PRAG1: variants seen among roughly 807,000 people sequenced by gnomAD.
The protein encoded by PRAG1 is PEAK1 related, kinase-activating pseudokinase 1, also known as inactive tyrosine-protein kinase PRAG1.
In PRAG1, 110 loss-of-function variants were observed where a neutral mutation model predicts 95.6. The ratio of observed to expected loss-of-function variants is 1.15; its 90% confidence interval spans 0.99 to 1.35. PRAG1 has a LOEUF of 1.35. Among genes scored for constraint, PRAG1 ranks in the 40% most tolerant of loss-of-function variants. PRAG1 has a pLI of 0.00. For missense variants in PRAG1, 2,554 were observed against 1,864.7 expected, an observed-to-expected ratio of 1.37 and a Z score of -6.81; for synonymous variants, 1,052 against 819.4, an observed-to-expected ratio of 1.28 and a Z score of -4.85.
chr8:8,368,261 G>T (rs2116910219), intron 3 of PRAG1, among the ~76,000 whole-genome samples: 1 of 152,294 alleles, frequency 6.6e-6, no homozygotes, highest in Admixed American at 6.5e-5. Context: ...ATCCAACAAA[G>T]AACAGCTGTT....
intron 3 of PRAG1, 90 bp downstream of exon 3, chr8:8,376,157 T>C (rs914285288): frequency 8.6e-6 from 13 of 1,506,664 alleles, no homozygotes; most frequent in South Asian, 2.7e-5. Flanking sequence ...TTCTGGGACC[T>C]GGGCCTGAAA....
rs1206588148 is a variant in PRAG1 at position 8,386,432 on chromosome 8, T to C, written c.-199A>G. 2 of 151,462 alleles carry C rather than the reference T, an allele frequency of 1.3e-5. No homozygotes were observed. Among genetic ancestry groups the C allele is most frequent in the African/African-American group, 4.8e-5 (2 of 41,258 alleles). 9.4% of individuals were successfully genotyped at this position (151,462 alleles called of 1,614,324 possible). ...CGGTGCGTGCCCGGCCGCGGGCGGG[T>C]GGCTTCTGCCTGGGCCCGGCGGCCG... On this transcript the variant is annotated 5_prime_UTR_variant, in exon 1 of 6. Transcript: ENST00000615670.
intron 2 of PRAG1, among the ~76,000 whole-genome samples, chr8:8,381,135 A>G (rs1016654084): frequency 6.6e-6 from 1 of 152,162 alleles, no homozygotes; most frequent in African/African-American, 2.4e-5. Flanking sequence ...GAAAATTTAA[A>G]ACTTTTTTTT....
chr8:8,333,393 G>T (rs75939921), intron 4 of PRAG1, among the ~76,000 whole-genome samples: 1 of 152,174 alleles, frequency 6.6e-6, no homozygotes, highest in African/African-American at 2.4e-5. Flanking sequence ...AGCATTTCTA[G>T]TGAGAAGCTA....
chr8:8,341,792 T>G (rs184624907), intron 3 of PRAG1, among the ~76,000 whole-genome samples: 35 of 152,364 alleles, frequency 2.3e-4, no homozygotes, highest in Middle Eastern at 3.4e-3. Flanking sequence ...TAATTTTTCT[T>G]TCTTGTCCTG....
At chr8:8,327,621 C>T (rs1447003534) in intron 5 of PRAG1, 89 bp downstream of exon 5, 28 of 1,412,760 alleles carry the variant, frequency 2.0e-5, no homozygotes, top group Middle Eastern at 4.4e-4. Context: ...AATGCCCAGA[C>T]AGGTGAAATG....
chr8:8,386,349 G>C lies in PRAG1; in HGVS notation c.-116C>G, dbSNP rs1407544385. 2.0e-4 allele frequency: 31 copies of C among 152,344 alleles called. No homozygotes were observed. Among genetic ancestry groups the C allele is most frequent in the Admixed American group, 1.8e-3 (28 of 15,296 alleles). The allele number at this position is 152,344 out of a possible 1,614,324, so 9.4% of individuals were successfully genotyped here. On this transcript the variant is annotated 5_prime_UTR_variant, in exon 1 of 6. Transcript: ENST00000615670. ...TGGGCTGCGCTCCCCCGGCCCCTCCGTCGGTCTCCGAGCCGCCAGCCGCCC... is the reference window on the plus strand; with the variant it reads ...TGGGCTGCGCTCCCCCGGCCCCTCCCTCGGTCTCCGAGCCGCCAGCCGCCC...
chr8:8,377,587 A>T lies in PRAG1; in HGVS notation c.822T>A (p.Gly274=). 1 of 1,612,414 alleles carries T rather than the reference A, an allele frequency of 6.2e-7. No individual in the cohort carries two copies. Among genetic ancestry groups the T allele is most frequent in the Non-Finnish European group, 8.5e-7 (1 of 1,179,594 alleles). The change falls in exon 3 of 6, where the codon GGT becomes GGA. Residue 274 remains glycine (G), a synonymous_variant. Coordinates refer to ENST00000615670, the MANE Select transcript of PRAG1 (RefSeq NM_001080826.3). ...PVAKAASQTA[G]SRGRHGGRDC... is the part of the protein sequence containing the mutation. The stretch of plus-strand genomic sequence containing the variant: ...CCCTGCCACCATGCCTGCCCCGGGA[A>T]CCTGCAGTCTGGGAGGCAGCCTTGG...
intron 1 of PRAG1, among the ~76,000 whole-genome samples, chr8:8,385,252 G>A (rs1291184110): frequency 1.3e-5 from 2 of 152,148 alleles, no homozygotes; most frequent in African/African-American, 4.8e-5. Context: ...GGCTGACCAG[G>A]CAGAAAGGAG....
chr8:8,343,494 AG>A (rs1345606650), intron 3 of PRAG1, among the ~76,000 whole-genome samples: 1 of 145,424 alleles, frequency 6.9e-6, no homozygotes, highest in African/African-American at 2.8e-5. Context: ...AGAACAGAAC[AG>A]AAAATATGAA....
chr8:8,340,990 A>T (rs1388251807), intron 3 of PRAG1, among the ~76,000 whole-genome samples: 1 of 152,262 alleles, frequency 6.6e-6, no homozygotes, highest in African/African-American at 2.4e-5. Flanking sequence ...AAATAAAATC[A>T]GACAGTTTCA....
At chr8:8,349,455 T>A (rs976221155) in intron 3 of PRAG1, among the ~76,000 whole-genome samples, 3 of 151,938 alleles carry the variant, frequency 2.0e-5, no homozygotes, top group Admixed American at 6.6e-5. Flanking sequence ...TAATTTTTTT[T>A]ATATTTTTAG....
chr8:8,335,463 C>A (rs1415043336), intron 4 of PRAG1, among the ~76,000 whole-genome samples: 1 of 152,058 alleles, frequency 6.6e-6, no homozygotes, highest in Non-Finnish European at 1.5e-5. Context: ...AGAAAAAAAT[C>A]TTAAAAGTGA....
intron 3 of PRAG1, among the ~76,000 whole-genome samples, chr8:8,362,154 A>G (rs998935187): frequency 1.3e-5 from 2 of 152,070 alleles, no homozygotes; most frequent in African/African-American, 4.8e-5. Flanking sequence ...CTGCTTCCCT[A>G]ATGGAAATTT....
chr8:8,343,031 C>T (rs1799222867), intron 3 of PRAG1, among the ~76,000 whole-genome samples: 1 of 151,924 alleles, frequency 6.6e-6, no homozygotes, highest in Non-Finnish European at 1.5e-5. Flanking sequence ...TACTGGTAGG[C>T]AGAATAAAAA....
chr8:8,338,655 G>T (rs546093004), intron 4 of PRAG1, among the ~76,000 whole-genome samples: 10 of 152,210 alleles, frequency 6.6e-5, no homozygotes, highest in Non-Finnish European at 1.5e-4. Flanking sequence ...ACACTCTTTT[G>T]TCTCAGCCAG....
intron 3 of PRAG1, among the ~76,000 whole-genome samples, chr8:8,370,496 C>G (rs567101711): frequency 1.3e-5 from 2 of 152,198 alleles, no homozygotes; most frequent in Non-Finnish European, 2.9e-5. Flanking sequence ...CTAATACAAA[C>G]TGTGATTTTC....
chr8:8,337,262 C>T (rs1014542397), intron 4 of PRAG1, among the ~76,000 whole-genome samples: 7 of 152,198 alleles, frequency 4.6e-5, no homozygotes, highest in African/African-American at 1.7e-4. Flanking sequence ...GCATGCCAAA[C>T]AGTAACTAAA....
At chr8:8,352,738 A>G (rs1799562983) in intron 3 of PRAG1, among the ~76,000 whole-genome samples, 1 of 152,228 alleles carries the variant, frequency 6.6e-6, no homozygotes, top group South Asian at 2.1e-4. Flanking sequence ...TTCTAGGTAT[A>G]CACACTATAT....
Sources: allele counts gnomAD v4.1 joint callset (sites outside exome capture counted in the v4.1 genomes callset), GRCh38; gene constraint gnomAD v4.1.1; transcripts MANE v1.5; gene names NCBI Gene and HGNC (gene_info 2026-07-23, HGNC 2026-07-21).